The following WNT7B variants were observed in gnomAD, a reference collection of about 807,000 sequenced individuals.
WNT7B encodes Wnt family member 7B.
A neutral mutation model predicts 38.2 loss-of-function variants in WNT7B; 19 were observed. The ratio of observed to expected loss-of-function variants is 0.50; its 90% CI spans 0.35 to 0.73. WNT7B has a LOEUF of 0.73. Ranked by LOEUF, WNT7B falls within the 30% of genes least tolerant of loss-of-function variation. The pLI, the probability that WNT7B is intolerant of heterozygous loss-of-function variation, is 0.01. For missense variants in WNT7B, 423 were observed against 507.9 expected (o/e 0.83, Z 1.61); for synonymous variants, 243 against 209.3 (o/e 1.16, Z -1.39).
chr22:45,962,327 A>C (rs934078620), intron 1 of WNT7B, among the ~76,000 whole-genome samples: 2 of 151,900 alleles, frequency 1.3e-5, no homozygotes, highest in Non-Finnish European at 2.9e-5. Context: ...AGCCTCACCC[A>C]CTCACTGTGA....
chr22:45,953,175 C>T (rs143495875), intron 1 of WNT7B, among the ~76,000 whole-genome samples: 163 of 54,582 alleles, frequency 3.0e-3, no homozygotes, highest in Admixed American at 5.4e-3. Context: ...CCCGGCTTCC[C>T]CTCACAGCCA....
chr22:45,975,526 T>G lies in WNT7B; in HGVS notation c.71+1158A>C. On this transcript the variant is annotated intron_variant, in intron 1 of 3. Transcript: ENST00000339464. The surrounding 1 kb of genome is among the most constrained non-coding windows in gnomAD (Gnocchi z 6.6). ...CCACTGGCTTTGTCTCTGCAGGCCT[T>G]GGGCCTCAGTTTCTCCACCTGTAAA... The G allele has an allele frequency of 1.4e-6, 1 of 716,428 alleles. No individual in the cohort carries two copies. 44.4% of individuals were successfully genotyped at this position (716,428 alleles called of 1,614,324 possible).
intron 3 of WNT7B, chr22:45,926,912 A>G: frequency 1.0e-6 from 1 of 985,412 alleles, no homozygotes; most frequent in Non-Finnish European, 1.2e-6. Flanking sequence ...ACCCAGCAGG[A>G]CGCTGTGGAC....
intron 3 of WNT7B, 138 bp from the exon 4 acceptor site, chr22:45,923,473 C>T: frequency 7.9e-7 from 1 of 1,267,618 alleles, no homozygotes; most frequent in Non-Finnish European, 1.1e-6. Flanking sequence ...GTGTCTCTCC[C>T]TCTCTGACCC....
At chr22:45,960,614 C>T (rs957586579) in intron 1 of WNT7B, among the ~76,000 whole-genome samples, 4 of 152,362 alleles carry the variant, frequency 2.6e-5, no homozygotes, top group South Asian at 2.1e-4. Context: ...CTGCGGCCCA[C>T]GCTTCTGGCC....
intron 2 of WNT7B, among the ~76,000 whole-genome samples, chr22:45,938,960 A>C (rs1387724431): frequency 1.3e-5 from 2 of 152,218 alleles, no homozygotes; most frequent in Non-Finnish European, 2.9e-5. Context: ...CTGAACAGAC[A>C]TTTGTCCAAA....
chr22:45,964,548 G>A (rs537917635), intron 1 of WNT7B, among the ~76,000 whole-genome samples: 9 of 152,240 alleles, frequency 5.9e-5, no homozygotes, highest in East Asian at 1.9e-4. Context: ...ACACTTCCCC[G>A]TCAGTGGTGA....
chr22:45,931,069 G>C (rs373952873), intron 3 of WNT7B, 29 bp downstream of exon 3: 4 of 1,538,260 alleles, frequency 2.6e-6, no homozygotes, highest in Non-Finnish European at 2.6e-6. Flanking sequence ...TCCCAGCTAC[G>C]GCCCCCACCA....
intron 2 of WNT7B, among the ~76,000 whole-genome samples, chr22:45,943,521 G>T (rs1000009686): frequency 1.3e-5 from 2 of 152,192 alleles, no homozygotes; most frequent in African/African-American, 2.4e-5. Context: ...AGCCCAGGGT[G>T]GCCTGCCCTC....
intron 3 of WNT7B, chr22:45,926,594 A>G: frequency 1.4e-5 from 14 of 985,388 alleles, no homozygotes; most frequent in Non-Finnish European, 1.7e-5. Context: ...ACTGGGGCCG[A>G]CAGAAGGCAC....
intron 3 of WNT7B, 152 bp downstream of exon 3, chr22:45,930,946 C>T (rs1931328414): frequency 9.1e-7 from 1 of 1,094,962 alleles, no homozygotes. Flanking sequence ...AGGCTCAGAG[C>T]CATGCACGTG....
Position 45,922,560 on chromosome 22 carries a change from A to C in WNT7B, c.*296T>G. ...CTGGACGTTCATTTTCCCAGAGAGA[A>C]GAAAGAGAACTTGCCGGGCCCCGTC... On this transcript the variant is annotated 3_prime_UTR_variant, in exon 4 of 4. Transcript: ENST00000339464. 2.3e-6 allele frequency: 1 copy of C among 428,390 alleles called. No homozygotes were observed. The highest frequency in any genetic ancestry group is 4.2e-6 in the Non-Finnish European group (1 of 237,922). 26.5% of individuals were successfully genotyped at this position (428,390 alleles called of 1,614,324 possible). A position where few individuals can be genotyped will look rare whatever the true frequency, so the allele number is the denominator to read the frequency against.
In WNT7B at chr22:45,971,654, G is replaced by T. The variant is rs545903361; in HGVS notation, c.71+5030C>A. Among the ~76,000 whole-genome samples, 8 of 152,232 alleles carry T rather than the reference G, an allele frequency of 5.3e-5. No individual in the cohort carries two copies. The South Asian group carries it at 1.4e-3, about 28-fold the overall frequency. On this transcript the variant is annotated intron_variant, in intron 1 of 3. Coordinates refer to ENST00000339464, the MANE Select transcript of WNT7B (RefSeq NM_058238.3). Reference sequence around the variant, plus strand: ...AGGCGCGAGAAGCCGCAGCGACTTCGGGGTACAGTCCGGGCGCTGTCCGGT... The same window carrying T: ...AGGCGCGAGAAGCCGCAGCGACTTCTGGGTACAGTCCGGGCGCTGTCCGGT...
intron 2 of WNT7B, among the ~76,000 whole-genome samples, chr22:45,940,748 G>C (rs541331942): frequency 4.5e-4 from 68 of 152,336 alleles, no homozygotes; most frequent in African/African-American, 1.6e-3. Context: ...TGGCTGGAGG[G>C]ACTGGGGTGC....
intron 3 of WNT7B, 151 bp downstream of exon 3, chr22:45,930,947 C>T (rs1569112226): frequency 1.8e-6 from 2 of 1,102,598 alleles, no homozygotes. Flanking sequence ...GGCTCAGAGC[C>T]ATGCACGTGG....
intron 1 of WNT7B, among the ~76,000 whole-genome samples, chr22:45,963,649 C>A (rs1005042807): frequency 3.3e-5 from 5 of 152,176 alleles, no homozygotes; most frequent in Non-Finnish European, 7.3e-5. Context: ...CTTTTCCCCC[C>A]ACCTTTGGGC....
chr22:45,971,631 G>T (rs1381081189), intron 1 of WNT7B, among the ~76,000 whole-genome samples: 2 of 152,348 alleles, frequency 1.3e-5, no homozygotes, highest in East Asian at 3.9e-4. Context: ...CGGCAGGAAG[G>T]CGCGAGAAGC....
intron 3 of WNT7B, among the ~76,000 whole-genome samples, chr22:45,929,560 CCATCCCCTCATT>C (rs1383542210): frequency 2.1e-5 from 3 of 142,954 alleles, no homozygotes; most frequent in South Asian, 4.5e-4. Context: ...ATCCTTCCAC[CCATCCCCTCATT>C]CATCCATACT....
chr22:45,971,618 G>A lies in WNT7B; in HGVS notation c.71+5066C>T, dbSNP rs937172822. Reference sequence around the variant, plus strand: ...GCAGGGGCAGGGATCAGGCTACCCAGCGCGGCAGGAAGGCGCGAGAAGCCG... The same window carrying A: ...GCAGGGGCAGGGATCAGGCTACCCAACGCGGCAGGAAGGCGCGAGAAGCCG... On this transcript the variant is annotated intron_variant, in intron 1 of 3. Coordinates refer to ENST00000339464, the MANE Select transcript of WNT7B (RefSeq NM_058238.3). 2.6e-5 allele frequency among the ~76,000 whole-genome samples: 4 copies of A among 152,346 alleles called. No homozygotes were observed. The East Asian group carries it at 7.7e-4, about 29-fold the overall frequency.
Sources: allele counts gnomAD v4.1 joint callset (sites outside exome capture counted in the v4.1 genomes callset), GRCh38; gene constraint gnomAD v4.1.1; non-coding constraint Gnocchi (gnomAD v3.1); transcripts MANE v1.5; gene names NCBI Gene and HGNC (gene_info 2026-07-23, HGNC 2026-07-21).